PCDHGA11: variants seen among roughly 807,000 people sequenced by gnomAD.
PCDHGA11 encodes the protein protocadherin gamma-A11.
PCDHGA11 carries 39 observed loss-of-function variants against 60.4 expected under a neutral mutation model. The ratio of observed to expected loss-of-function variants is 0.65; its 90% CI spans 0.50 to 0.84. PCDHGA11 has a LOEUF of 0.84. PCDHGA11 is among the 40% of genes least tolerant of loss of function. PCDHGA11 has a pLI of 0.00. For missense variants in PCDHGA11, 1,165 were observed against 1,197.7 expected, an observed-to-expected ratio of 0.97 and a Z score of 0.40; for synonymous variants, 533 against 510.3, an observed-to-expected ratio of 1.04 and a Z score of -0.60.
rs916345810 is a variant in PCDHGA11, at chr5:141,421,213, G to C, written c.-15G>C. On this transcript the variant is annotated 5_prime_UTR_variant, in exon 1 of 4. Coordinates refer to ENST00000398587, the MANE Select transcript of PCDHGA11 (RefSeq NM_018914.3). Reference sequence around the variant, plus strand: ...CCAGCTCGAGAAACCGCGGAATATCGGCTTAGAGCCTGCCATGGCGAATCG... The same window carrying C: ...CCAGCTCGAGAAACCGCGGAATATCCGCTTAGAGCCTGCCATGGCGAATCG... 1.9e-6 allele frequency: 3 copies of C among 1,548,472 alleles called. No individual in the cohort carries two copies. The highest frequency in any genetic ancestry group is 4.1e-5 in the Admixed American group (2 of 49,196).
At position 141,490,664 on chromosome 5, in the gene PCDHGA11, C is replaced by T; in HGVS notation, c.2434-4143C>T. 6.2e-7 allele frequency: 1 copy of T among 1,614,212 alleles called. No homozygotes were observed. The highest frequency in any genetic ancestry group is 1.1e-5 in the South Asian group (1 of 91,084). On this transcript the variant is annotated intron_variant, in intron 1 of 3. Coordinates refer to ENST00000398587, the MANE Select transcript of PCDHGA11 (RefSeq NM_018914.3). The surrounding 1 kb of genome is among the most constrained non-coding windows in gnomAD (Gnocchi z 5.4). ...CGGCCTCCGGGCTCCCTTCTTTGCA[C>T]TGTGGCTGCCTCAGATCCAGACACT...
rs752341952 is a variant in PCDHGA11 at position 141,431,380 on chromosome 5, T to C, written c.2433+7720T>C. 10 of 1,613,902 alleles carry C rather than the reference T, an allele frequency of 6.2e-6. No homozygotes were observed. The highest frequency in any genetic ancestry group is 8.5e-6 in the Non-Finnish European group (10 of 1,180,024). ...CCCTGGACCGCGAAGAAAAGGCTGCTCACCACCTGGTCCTTACGGCCTCCG... is the reference window on the plus strand; with the variant it reads ...CCCTGGACCGCGAAGAAAAGGCTGCCCACCACCTGGTCCTTACGGCCTCCG... On this transcript the variant is annotated intron_variant, in intron 1 of 3. Transcript: ENST00000398587. The surrounding 1 kb of genome is among the most constrained non-coding windows in gnomAD (Gnocchi z 4.8).
At chr5:141,475,778 T>A (rs1204790631) in intron 1 of PCDHGA11, among the ~76,000 whole-genome samples, 1 of 152,400 alleles carries the variant, frequency 6.6e-6, no homozygotes. Context: ...GCGCTTTGGC[T>A]GGAAACTCTG....
Position 141,478,415 on chromosome 5 carries a change from C to A in PCDHGA11, c.2434-16392C>A, listed in dbSNP as rs182700706. 5.6e-6 allele frequency: 9 copies of A among 1,613,648 alleles called. No homozygotes were observed. In the East Asian group the frequency reaches 2.0e-4, roughly 36 times the overall value. ...TCAGGTGTATCTCACCACGGACTCC[C>A]GCCGCAGCGACCCGCTGCTGAAGAA... On this transcript the variant is annotated intron_variant, in intron 1 of 3. Coordinates refer to ENST00000398587, the MANE Select transcript of PCDHGA11 (RefSeq NM_018914.3).
At position 141,427,298 on chromosome 5, in the gene PCDHGA11, G is replaced by A. The variant is rs960474831; in HGVS notation, c.2433+3638G>A. The A allele has an allele frequency of 8.8e-6, 4 of 456,870 alleles. No individual in the cohort carries two copies. The Admixed American group carries it at 9.4e-5, about 11-fold the overall frequency. 28.3% of individuals were successfully genotyped at this position (456,870 alleles called of 1,614,324 possible). A position where few individuals can be genotyped will look rare whatever the true frequency, so the allele number is the denominator to read the frequency against. On this transcript the variant is annotated intron_variant, in intron 1 of 3. Coordinates refer to ENST00000398587, the MANE Select transcript of PCDHGA11 (RefSeq NM_018914.3). ...AAATTATACTAGAAATCCTAGATGA[G>A]AATGACAATGCCCCAGACGTGGTTT...
intron 1 of PCDHGA11, among the ~76,000 whole-genome samples, chr5:141,461,536 T>C (rs1424913303): frequency 1.3e-5 from 2 of 152,240 alleles, no homozygotes; most frequent in Non-Finnish European, 2.9e-5. Context: ...TTCTGGATAC[T>C]AGTCCTTTGT....
chr5:141,489,558 G>A lies in PCDHGA11; in HGVS notation c.2434-5249G>A. On this transcript the variant is annotated intron_variant, in intron 1 of 3. Coordinates refer to ENST00000398587, the MANE Select transcript of PCDHGA11 (RefSeq NM_018914.3). The surrounding 1 kb of genome is among the most constrained non-coding windows in gnomAD (Gnocchi z 4.5). ...CCAGCACCAGCTGCCTGCTGCCAGT[G>A]CAGGTGGTGACTGAACACCCCCTGG... 1 of 1,614,130 alleles carries A rather than the reference G, an allele frequency of 6.2e-7. No individual in the cohort carries two copies. Among genetic ancestry groups the A allele is most frequent in the Non-Finnish European group, 8.5e-7 (1 of 1,180,024 alleles).
chr5:141,421,831 G>C lies in PCDHGA11; in HGVS notation c.604G>C (p.Asp202His), dbSNP rs201283981. ...NPELVLEGSL[D>H]REKEAAHLLL... ...AGAGCTAGTACTGGAGGGAAGCCTG[G>C]ACCGAGAGAAAGAGGCTGCTCACCT... Residue 202 changes from aspartate (D) to histidine (H), a missense_variant, in exon 1 of 4, where the codon GAC becomes CAC. Transcript: ENST00000398587. 68 of 1,613,784 alleles carry C rather than the reference G, an allele frequency of 4.2e-5. 1 individual carries two copies. The East Asian group carries it at 1.4e-3, about 33-fold the overall frequency.
At chr5:141,475,950 C>T (rs1236145505) in intron 1 of PCDHGA11, 3 of 761,526 alleles carry the variant, frequency 3.9e-6, no homozygotes, top group East Asian at 2.7e-5. Context: ...CCCCTTTCTG[C>T]GCCCCGGGAT....
intron 2 of PCDHGA11, among the ~76,000 whole-genome samples, chr5:141,497,894 A>AG (rs1562181617): frequency 2.0e-5 from 3 of 152,186 alleles, no homozygotes; most frequent in Admixed American, 6.5e-5. Context: ...GATCTAGTCC[A>AG]GTAACTTCAA....
At chr5:141,433,298 A>G in intron 1 of PCDHGA11, 7 of 1,015,894 alleles carry the variant, frequency 6.9e-6, no homozygotes, top group Non-Finnish European at 1.0e-5. Context: ...GGCTCAAGCA[A>G]TTATCCCACC....
intron 1 of PCDHGA11, chr5:141,424,465 A>G (rs564844819): frequency 1.3e-5 from 2 of 152,146 alleles, no homozygotes; most frequent in Admixed American, 6.5e-5. Context: ...ATTTCCTTTT[A>G]TTCTTTTACT....
At position 141,500,368 on chromosome 5, in the gene PCDHGA11, C is replaced by T. The variant is rs181410708; in HGVS notation, c.2493-5025C>T. Among the ~76,000 whole-genome samples, 364 of 152,050 alleles carry T rather than the reference C, an allele frequency of 2.4e-3. 3 individuals carry two copies. The highest frequency in any genetic ancestry group is 9.2e-3 in the Admixed American group (140 of 15,274). ...GGACTACAGGCGCCCACTACCACGCCCGGCTAATTATTTTGTATTTTTAGT... is the reference window on the plus strand; with the variant it reads ...GGACTACAGGCGCCCACTACCACGCTCGGCTAATTATTTTGTATTTTTAGT... On this transcript the variant is annotated intron_variant, in intron 2 of 3. Transcript: ENST00000398587.
chr5:141,437,617 C>T (rs570138576), intron 1 of PCDHGA11, among the ~76,000 whole-genome samples: 1 of 152,102 alleles, frequency 6.6e-6, no homozygotes, highest in Admixed American at 6.6e-5. Flanking sequence ...CTGCTTTATC[C>T]CCATATAAGA....
At chr5:141,463,261 T>G (rs552225283) in intron 1 of PCDHGA11, among the ~76,000 whole-genome samples, 29 of 152,134 alleles carry the variant, frequency 1.9e-4, no homozygotes, top group African/African-American at 6.3e-4. Context: ...TAGTACTCTA[T>G]CCCATAAATT....
chr5:141,479,003 C>T (rs2099485569), intron 1 of PCDHGA11, among the ~76,000 whole-genome samples: 1 of 152,176 alleles, frequency 6.6e-6, no homozygotes, highest in South Asian at 2.1e-4. Context: ...AAACTAATAG[C>T]TTTTTGATAA....
chr5:141,438,586 A>G (rs949534736), intron 1 of PCDHGA11, among the ~76,000 whole-genome samples: 2 of 56,254 alleles, frequency 3.6e-5, no homozygotes, highest in South Asian at 6.2e-4. Context: ...ATACATACAT[A>G]CATACATATA....
intron 2 of PCDHGA11, among the ~76,000 whole-genome samples, chr5:141,501,018 G>A (rs1337771734): frequency 2.0e-5 from 3 of 151,882 alleles, no homozygotes; most frequent in East Asian, 1.9e-4. Context: ...ACAGGCACGC[G>A]CCACCACGCC....
rs567684479 is a variant in PCDHGA11 at position 141,432,875 on chromosome 5, G to T, written c.2433+9215G>T. The T allele has an allele frequency of 6.2e-7, 1 of 1,614,178 alleles. No individual in the cohort carries two copies. Among genetic ancestry groups the T allele is most frequent in the South Asian group, 1.1e-5 (1 of 91,084 alleles). ...GGCCGCGGTCTCCTGCGTCTTCCTG[G>T]CCTTCGTCATCTTGCTGCTGGCGCT... On this transcript the variant is annotated intron_variant, in intron 1 of 3. Coordinates refer to ENST00000398587, the MANE Select transcript of PCDHGA11 (RefSeq NM_018914.3). This position sits in a 1 kb window ranked among gnomAD's most constrained non-coding sequence, Gnocchi z 6.0.
Sources: gnomAD v4.1 joint callset for allele counts (sites outside exome capture counted in the v4.1 genomes callset) on GRCh38, gnomAD v4.1.1 for gene constraint, Gnocchi (gnomAD v3.1) non-coding constraint, MANE v1.5 for transcripts, NCBI Gene and HGNC (gene_info 2026-07-23, HGNC 2026-07-21) for gene names.